SLC24A2: variants seen among roughly 807,000 people sequenced by gnomAD.
SLC24A2 encodes solute carrier family 24 member 2.
SLC24A2 carries 36 observed loss-of-function variants against 62.0 expected under a neutral mutation model. That is an observed-to-expected ratio of 0.58 (90% confidence interval 0.44 to 0.77). The LOEUF (loss-of-function observed/expected upper bound fraction) is 0.77. Among genes scored for constraint, SLC24A2 ranks in the 30% least tolerant of loss-of-function variants. The pLI is 0.00. For synonymous variants in SLC24A2, 358 were observed against 294.0 expected, an observed-to-expected ratio of 1.22 and a Z score of -2.23; for missense variants, 846 against 817.9, an observed-to-expected ratio of 1.03 and a Z score of -0.42.
chr9:20,111,876 C>A, the SLC24A2 span, among the ~76,000 whole-genome samples: 1 of 152,016 alleles, frequency 6.6e-6, no homozygotes, highest in Admixed American at 6.6e-5. Flanking sequence ...TGAAAATGTT[C>A]TTGTTTGGAA....
At chr9:19,565,584 A>G (rs1007200012) in intron 7 of SLC24A2, among the ~76,000 whole-genome samples, 1 of 151,980 alleles carries the variant, frequency 6.6e-6, no homozygotes, top group Admixed American at 6.6e-5. Flanking sequence ...CAAGCTACCA[A>G]TGAATAACTT....
intron 4 of SLC24A2, among the ~76,000 whole-genome samples, chr9:19,617,648 T>C (rs1817804458): frequency 6.6e-6 from 1 of 152,140 alleles, no homozygotes. Context: ...ACAGCTCTAA[T>C]CCAGAAAGCA....
chr9:20,213,181 A>G, the SLC24A2 span, among the ~76,000 whole-genome samples: 1 of 151,866 alleles, frequency 6.6e-6, no homozygotes, highest in African/African-American at 2.4e-5. Context: ...CAGAACTGAA[A>G]ATAAAGTCAA....
At chr9:19,590,469 C>T (rs747571711) in intron 5 of SLC24A2, among the ~76,000 whole-genome samples, 4 of 152,206 alleles carry the variant, frequency 2.6e-5, no homozygotes, top group Non-Finnish European at 5.9e-5. Context: ...AAACACCCTG[C>T]TCTCCATCCT....
At chr9:19,836,598 C>G in the SLC24A2 span, among the ~76,000 whole-genome samples, 9 of 152,092 alleles carry the variant, frequency 5.9e-5, no homozygotes, top group African/African-American at 2.2e-4. Flanking sequence ...AGCTTACCAA[C>G]CAAAAAAAGT....
the SLC24A2 span, among the ~76,000 whole-genome samples, chr9:20,058,368 G>C: frequency 6.6e-6 from 1 of 152,060 alleles, no homozygotes; most frequent in East Asian, 1.9e-4. Context: ...CTACTGTGAA[G>C]CATATTTTGT....
the SLC24A2 span, among the ~76,000 whole-genome samples, chr9:19,873,536 C>CTTTCTTTCTTTCTTTCTT: frequency 2.3e-3 from 312 of 137,124 alleles, 2 homozygotes; most frequent in South Asian, 0.013. Context: ...TCCTTTCTTT[C>CTTTCTTTCTTTCTTTCTT]TCTTTCTTTC....
the SLC24A2 span, among the ~76,000 whole-genome samples, chr9:19,987,584 G>A: frequency 2.6e-5 from 4 of 152,048 alleles, no homozygotes; most frequent in Non-Finnish European, 4.4e-5. Context: ...CACCACTGAC[G>A]GCAGCATTTG....
the SLC24A2 span, among the ~76,000 whole-genome samples, chr9:20,048,191 C>T: frequency 2.0e-5 from 3 of 152,208 alleles, no homozygotes; most frequent in Non-Finnish European, 2.9e-5. Context: ...CTATGAGTGT[C>T]ACTGTTACAT....
At chr9:19,767,586 A>G (rs532705389) in intron 2 of SLC24A2, among the ~76,000 whole-genome samples, 1 of 152,198 alleles carries the variant, frequency 6.6e-6, no homozygotes, top group African/African-American at 2.4e-5. Flanking sequence ...CTTCCCAGGT[A>G]AGGTGATGCC....
the SLC24A2 span, among the ~76,000 whole-genome samples, chr9:19,905,829 G>T: frequency 0.035 from 5,300 of 152,238 alleles, 228 homozygotes; most frequent in East Asian, 0.2. Flanking sequence ...AACATAATTT[G>T]TATTAACACT....
the SLC24A2 span, among the ~76,000 whole-genome samples, chr9:20,030,470 G>A: frequency 6.6e-6 from 1 of 152,182 alleles, no homozygotes; most frequent in African/African-American, 2.4e-5. Flanking sequence ...AAGGCTCCAA[G>A]TGCCATACTA....
the SLC24A2 span, among the ~76,000 whole-genome samples, chr9:20,041,744 A>T: frequency 6.6e-6 from 1 of 152,226 alleles, no homozygotes; most frequent in South Asian, 2.1e-4. Context: ...ACTGCTGGAG[A>T]AGTTGGTATC....
the SLC24A2 span, among the ~76,000 whole-genome samples, chr9:20,082,688 G>C: frequency 2.0e-5 from 3 of 152,260 alleles, no homozygotes; most frequent in Admixed American, 1.3e-4. Flanking sequence ...GGAAAGGAAA[G>C]TGGAAGATGC....
chr9:19,962,296 G>A, the SLC24A2 span, among the ~76,000 whole-genome samples: 154 of 152,292 alleles, frequency 1.0e-3, no homozygotes, highest in Non-Finnish European at 1.6e-3. Flanking sequence ...GTCAGGTAGC[G>A]TGATGCCTCC....
At chr9:20,197,845 T>C in the SLC24A2 span, among the ~76,000 whole-genome samples, 1 of 152,128 alleles carries the variant, frequency 6.6e-6, no homozygotes, top group African/African-American at 2.4e-5. Flanking sequence ...AAGAGACCAA[T>C]ATCATTTCTC....
At chr9:19,701,936 CAG>C (rs376662183) in intron 2 of SLC24A2, among the ~76,000 whole-genome samples, 2,588 of 152,264 alleles carry the variant, frequency 0.017, 49 homozygotes, top group East Asian at 0.093. Context: ...CCAAGACTAG[CAG>C]TAGCCTACCG....
In SLC24A2 at chr9:19,515,741, A is replaced by C. The variant is rs1389485996; in HGVS notation, c.*412T>G. 6 of 209,996 alleles carry C rather than the reference A, an allele frequency of 2.9e-5. No homozygotes were observed. Among genetic ancestry groups the C allele is most frequent in the Non-Finnish European group, 5.9e-5 (6 of 101,686 alleles). The allele number at this position is 209,996 out of a possible 1,614,324, so 13.0% of individuals were successfully genotyped here. A position where few individuals can be genotyped will look rare whatever the true frequency, so the allele number is the denominator to read the frequency against. The stretch of plus-strand genomic sequence containing the variant: ...TCTTTGTCTTTATTTACAGGTATGT[A>C]CTAATCTATAGGTATGCAAGGAGAG... On this transcript the variant is annotated 3_prime_UTR_variant, in exon 11 of 11. Transcript: ENST00000341998.
chr9:19,965,584 G>A, the SLC24A2 span, among the ~76,000 whole-genome samples: 287 of 152,224 alleles, frequency 1.9e-3, 7 homozygotes, highest in South Asian at 0.027. Context: ...TTAACCACCC[G>A]GTGACTCAAT....
Sources: gnomAD v4.1 joint callset for allele counts (sites outside exome capture counted in the v4.1 genomes callset) on GRCh38, gnomAD v4.1.1 for gene constraint, MANE v1.5 for transcripts, NCBI Gene and HGNC (gene_info 2026-07-23, HGNC 2026-07-21) for gene names.